Variants in SLC7A11 observed in about 807,000 individuals in gnomAD.
SLC7A11 encodes the protein solute carrier family 7 member 11.
A neutral mutation model predicts 54.5 loss-of-function variants in SLC7A11; 35 were observed. The observed-to-expected ratio is 0.64, with a 90% CI of 0.49 to 0.85. SLC7A11 has a LOEUF of 0.85. Ranked by LOEUF, SLC7A11 falls within the 40% of genes least tolerant of loss-of-function variation. The pLI is 0.00. For synonymous variants in SLC7A11, 230 were observed against 225.2 expected, an observed-to-expected ratio of 1.02 and a Z score of -0.19; for missense variants, 583 against 618.1, an observed-to-expected ratio of 0.94 and a Z score of 0.60.
intron 1 of SLC7A11, among the ~76,000 whole-genome samples, chr4:138,238,930 T>C (rs747819845): frequency 4.6e-5 from 7 of 152,100 alleles, no homozygotes; most frequent in Non-Finnish European, 1.0e-4. Flanking sequence ...TCGAAAACAC[T>C]CAAACCAAAA....
At chr4:138,189,336 C>T (rs577472219) in intron 6 of SLC7A11, among the ~76,000 whole-genome samples, 32 of 152,204 alleles carry the variant, frequency 2.1e-4, no homozygotes, top group Non-Finnish European at 4.0e-4. Flanking sequence ...AAATTTACAA[C>T]AACCCATGGA....
At chr4:138,207,831 T>G (rs1242922384) in intron 6 of SLC7A11, among the ~76,000 whole-genome samples, 1 of 151,802 alleles carries the variant, frequency 6.6e-6, no homozygotes, top group African/African-American at 2.4e-5. Flanking sequence ...GGGCAAGATA[T>G]TTTGCCTATT....
At chr4:138,222,908 GTTT>G (rs11285067) in intron 4 of SLC7A11, among the ~76,000 whole-genome samples, 2 of 149,154 alleles carry the variant, frequency 1.3e-5, no homozygotes, top group African/African-American at 2.4e-5. Flanking sequence ...TAAGTGGCAG[GTTT>G]TTTTTTTTTC....
intron 1 of SLC7A11, among the ~76,000 whole-genome samples, chr4:138,236,732 C>T (rs1738216950): frequency 6.6e-6 from 1 of 152,008 alleles, no homozygotes. Context: ...TCATGTGTTC[C>T]AGAATTTTGA....
Position 138,170,077 on chromosome 4 carries a change from C to CTTAT in SLC7A11, c.*1875_*1878dup, listed in dbSNP as rs1273652836. On this transcript the variant is annotated 3_prime_UTR_variant, in exon 12 of 12. Coordinates refer to ENST00000280612, the MANE Select transcript of SLC7A11 (RefSeq NM_014331.4). ...AATTGGTATAATTCTTTCAAAAATC[C>CTTAT]TTATTTTCAAATGGACAAAAATTAA... The CTTAT allele has an allele frequency of 6.7e-6, 1 of 150,184 alleles. No individual in the cohort carries two copies. Among genetic ancestry groups the CTTAT allele is most frequent in the African/African-American group, 2.4e-5 (1 of 40,896 alleles). The allele number at this position is 150,184 out of a possible 1,614,324, so 9.3% of individuals were successfully genotyped here.
In SLC7A11 at chr4:138,169,931, T is replaced by A. The variant is rs1295325392; in HGVS notation, c.*2025A>T. 1 of 151,902 alleles carries A rather than the reference T, an allele frequency of 6.6e-6. No individual in the cohort carries two copies. Among genetic ancestry groups the A allele is most frequent in the Admixed American group, 6.6e-5 (1 of 15,240 alleles). 9.4% of individuals were successfully genotyped at this position (151,902 alleles called of 1,614,324 possible). A position where few individuals can be genotyped will look rare whatever the true frequency, so the allele number is the denominator to read the frequency against. The stretch of plus-strand genomic sequence containing the variant: ...GCTAAAGAAATGTCAGTCTTGGATA[T>A]ATATTAAATGTTTTCAAGAGCAAAA... On this transcript the variant is annotated 3_prime_UTR_variant, in exon 12 of 12. Transcript: ENST00000280612.
At chr4:138,229,730 A>G (rs1738029065) in intron 3 of SLC7A11, among the ~76,000 whole-genome samples, 1 of 152,212 alleles carries the variant, frequency 6.6e-6, no homozygotes, top group African/African-American at 2.4e-5. Context: ...TGGGATAAAC[A>G]AGAAAAGAGT....
intron 6 of SLC7A11, among the ~76,000 whole-genome samples, chr4:138,197,732 T>G (rs1271036719): frequency 6.6e-6 from 1 of 151,834 alleles, no homozygotes; most frequent in East Asian, 1.9e-4. Context: ...GTTGACTTAT[T>G]CAGAGAAAAA....
intron 3 of SLC7A11, among the ~76,000 whole-genome samples, chr4:138,226,250 A>G (rs1260388978): frequency 1.3e-5 from 2 of 152,126 alleles, no homozygotes; most frequent in East Asian, 3.9e-4. Flanking sequence ...AAGTGTCTCA[A>G]AAAACTAAAA....
rs760211116 is a variant in SLC7A11, at chr4:138,232,274, C to G, written c.513G>C (p.Val171=). 1.9e-6 allele frequency: 3 copies of G among 1,593,538 alleles called. No homozygotes were observed. Among genetic ancestry groups the G allele is most frequent in the Non-Finnish European group, 2.6e-6 (3 of 1,161,324 alleles). Residue 171 remains valine, a synonymous_variant, in exon 3 of 12, where the codon GTG becomes GTC. Coordinates refer to ENST00000280612, the MANE Select transcript of SLC7A11 (RefSeq NM_014331.4). ...PELAIKLITA[V]GITVVMVLNS... is the part of the protein sequence containing the mutation. ...TATAGCTATAATACTCACTTATGCCCACAGCTGTAATGAGCTTGATCGCAA... is the reference window on the plus strand; with the variant it reads ...TATAGCTATAATACTCACTTATGCCGACAGCTGTAATGAGCTTGATCGCAA...
At chr4:138,215,575 C>G (rs1737660427) in intron 5 of SLC7A11, among the ~76,000 whole-genome samples, 1 of 151,994 alleles carries the variant, frequency 6.6e-6, no homozygotes, top group African/African-American at 2.4e-5. Context: ...TAACGGTGAT[C>G]TAAAAAGTCA....
chr4:138,177,775 C>G (rs1736617435), intron 11 of SLC7A11: 2 of 152,246 alleles, frequency 1.3e-5, no homozygotes, highest in South Asian at 4.2e-4. Context: ...CCCTTCCTAC[C>G]TAGTCATCTA....
intron 6 of SLC7A11, among the ~76,000 whole-genome samples, chr4:138,209,657 C>CA (rs969362588): frequency 2.6e-5 from 4 of 151,724 alleles, no homozygotes; most frequent in Non-Finnish European, 5.9e-5. Flanking sequence ...CAAATGACAA[C>CA]AAAAAATACC....
rs151187403 is a variant in SLC7A11 at position 138,241,960 on chromosome 4, T to G, written c.110A>C (p.Lys37Thr). ...LGNKEPPGQEKVQLKRKVTLL... is the reference protein window; with the variant it reads ...LGNKEPPGQETVQLKRKVTLL... ...AGTGACTTTCCTCTTCAGCTGCACT[T>G]TCTCCTGCCCAGGTGGCTCCTTGTT... is the stretch of plus-strand genomic sequence containing the variant. Residue 37 changes from lysine to threonine, a missense_variant, in exon 1 of 12, where the codon AAA (lysine) becomes ACA (threonine). Lys to Thr is a moderately conservative substitution (Grantham distance 78). Coordinates refer to ENST00000280612, the MANE Select transcript of SLC7A11 (RefSeq NM_014331.4). 30 of 1,614,020 alleles carry G rather than the reference T, an allele frequency of 1.9e-5. No homozygotes were observed. In the African/African-American group the frequency reaches 3.2e-4, roughly 17 times the overall value.
chr4:138,189,240 C>T (rs868795103), intron 6 of SLC7A11, among the ~76,000 whole-genome samples: 20 of 152,152 alleles, frequency 1.3e-4, no homozygotes, highest in African/African-American at 4.6e-4. Flanking sequence ...ATCTACAAAG[C>T]ACTGGCAAAT....
rs781168132 is a variant in SLC7A11 at position 138,180,677 on chromosome 4, A to C, written c.1230T>G (p.Leu410=). 8 of 1,612,902 alleles carry C rather than the reference A, an allele frequency of 5.0e-6. No homozygotes were observed. The highest frequency in any genetic ancestry group is 3.3e-5 in the South Asian group (3 of 91,070). ...IGLAVAGLIY[L]RYKCPDMHRP... is the part of the protein sequence containing the mutation. ...GATGCATATCTGGGCATTTGTATCGAAGATAAATCAGCCCAGCAACTGCCA... is the reference window on the plus strand; with the variant it reads ...GATGCATATCTGGGCATTTGTATCGCAGATAAATCAGCCCAGCAACTGCCA... The change falls in exon 10 of 12, where the codon CTT becomes CTG. Residue 410 remains leucine (L), a synonymous_variant. Transcript: ENST00000280612.
chr4:138,187,786 G>C (rs1001310578), intron 6 of SLC7A11, among the ~76,000 whole-genome samples: 1 of 152,078 alleles, frequency 6.6e-6, no homozygotes, highest in Non-Finnish European at 1.5e-5. Flanking sequence ...TCGTTTCACT[G>C]TTTGGGAAAT....
chr4:138,183,053 G>A, intron 8 of SLC7A11, 149 bp downstream of exon 8: 1 of 619,870 alleles, frequency 1.6e-6, no homozygotes, highest in African/African-American at 1.9e-5. Flanking sequence ...AAAACGTGCT[G>A]TTGATACTTG....
chr4:138,185,315 AG>A (rs1390352269), intron 6 of SLC7A11, 71 bp from the exon 7 acceptor site: 1 of 1,507,994 alleles, frequency 6.6e-7, no homozygotes, highest in African/African-American at 1.4e-5. Context: ...AGAAAATAAC[AG>A]GCTAATTCAA....
Sources: allele counts gnomAD v4.1 joint callset (sites outside exome capture counted in the v4.1 genomes callset), GRCh38; gene constraint gnomAD v4.1.1; transcripts MANE v1.5; gene names NCBI Gene and HGNC (gene_info 2026-07-23, HGNC 2026-07-21).